TSHZ2: variants seen among roughly 807,000 people sequenced by gnomAD.
TSHZ2 encodes the protein teashirt zinc finger homeobox 2.
In TSHZ2, 21 loss-of-function variants were observed where a neutral mutation model predicts 74.4. The observed-to-expected ratio is 0.28, with a 90% CI of 0.20 to 0.41. TSHZ2 has a LOEUF of 0.41. Among genes scored for constraint, TSHZ2 ranks in the 10% least tolerant of loss-of-function variants. The probability of loss-of-function intolerance (pLI) is 1.00; values close to 1 mark genes in which losing one functional copy is unlikely to be tolerated. For missense variants in TSHZ2, 1,244 were observed against 1,293.5 expected, an observed-to-expected ratio of 0.96 and a Z score of 0.59; for synonymous variants, 540 against 515.3, an observed-to-expected ratio of 1.05 and a Z score of -0.65.
At chr20:53,452,702 G>A (rs757888429) in intron 2 of TSHZ2, among the ~76,000 whole-genome samples, 13 of 151,766 alleles carry the variant, frequency 8.6e-5, no homozygotes, top group Admixed American at 1.3e-4. Context: ...ATATCAACAC[G>A]TACCCCTACA....
At chr20:53,469,045 T>TATATATATATATATATA (rs1985655239) in intron 2 of TSHZ2, among the ~76,000 whole-genome samples, 2 of 49,112 alleles carry the variant, frequency 4.1e-5, no homozygotes, top group Non-Finnish European at 4.2e-5. Flanking sequence ...AATCGATATT[T>TATATATATATATATATA]TATATATATA....
At chr20:53,389,341 G>A (rs577281251) in intron 2 of TSHZ2, among the ~76,000 whole-genome samples, 2 of 152,268 alleles carry the variant, frequency 1.3e-5, no homozygotes, top group South Asian at 2.1e-4. Flanking sequence ...ACTTAAGCCC[G>A]GACTCGAAGC....
chr20:53,320,630 T>G (rs1055026362), intron 2 of TSHZ2, among the ~76,000 whole-genome samples: 6 of 152,214 alleles, frequency 3.9e-5, no homozygotes, highest in African/African-American at 1.4e-4. Flanking sequence ...GCTCTTTCTT[T>G]GCAGAAAGGG....
chr20:53,205,428 C>T (rs755238241), intron 1 of TSHZ2, among the ~76,000 whole-genome samples: 10 of 152,212 alleles, frequency 6.6e-5, no homozygotes, highest in Non-Finnish European at 1.3e-4. Context: ...CATATTCTTT[C>T]TGCATTGAGC....
intron 1 of TSHZ2, among the ~76,000 whole-genome samples, chr20:52,977,509 A>G (rs1981392560): frequency 6.7e-6 from 1 of 150,092 alleles, no homozygotes; most frequent in Admixed American, 6.7e-5. Flanking sequence ...TAGCAGCACA[A>G]ACTCTTTTGG....
intron 1 of TSHZ2, among the ~76,000 whole-genome samples, chr20:52,977,876 A>G (rs1021933697): frequency 2.2e-4 from 34 of 152,206 alleles, no homozygotes; most frequent in African/African-American, 7.7e-4. Context: ...TCTGAGGCTT[A>G]AGAGTTTGGA....
chr20:53,186,515 A>C (rs1326900089), intron 1 of TSHZ2, among the ~76,000 whole-genome samples: 1 of 152,216 alleles, frequency 6.6e-6, no homozygotes, highest in Non-Finnish European at 1.5e-5. Context: ...CAGCTCTAGG[A>C]AGAAAACTCT....
intron 1 of TSHZ2, among the ~76,000 whole-genome samples, chr20:53,071,306 G>A (rs530842415): frequency 1.3e-5 from 2 of 152,186 alleles, no homozygotes; most frequent in Admixed American, 6.5e-5. Context: ...TTAGAAACTA[G>A]GGCTTAATGT....
intron 1 of TSHZ2, among the ~76,000 whole-genome samples, chr20:53,038,896 G>GTTTTTT (rs374364980): frequency 1.9e-4 from 26 of 140,410 alleles, no homozygotes; most frequent in African/African-American, 5.4e-4. Flanking sequence ...TTGTTTGTTT[G>GTTTTTT]TTTGTTTGTT....
chr20:53,223,543 C>T (rs775141069), intron 1 of TSHZ2, among the ~76,000 whole-genome samples: 2 of 152,106 alleles, frequency 1.3e-5, no homozygotes, highest in Non-Finnish European at 2.9e-5. Flanking sequence ...AGATATGTGC[C>T]ACCACTTCAG....
chr20:53,129,298 G>C (rs987476524), intron 1 of TSHZ2, among the ~76,000 whole-genome samples: 4 of 152,032 alleles, frequency 2.6e-5, no homozygotes, highest in South Asian at 4.2e-4. Flanking sequence ...GTGGGTACAT[G>C]GTAGATATAT....
Position 53,161,130 on chromosome 20 carries a change from CAAA to C in TSHZ2, c.41-92348_41-92346del, listed in dbSNP as rs368626161. Among the ~76,000 whole-genome samples the C allele has an allele frequency of 2.4e-3, 160 of 67,966 alleles. 3 individuals are homozygous for C. The highest frequency in any genetic ancestry group is 6.1e-3 in the African/African-American group (101 of 16,448). The allele number at this position is 67,966 out of a possible 152,430, so 44.6% of individuals were successfully genotyped here. A position where few individuals can be genotyped will look rare whatever the true frequency, so the allele number is the denominator to read the frequency against. On this transcript the variant is annotated intron_variant, in intron 1 of 2. Coordinates refer to ENST00000371497, the MANE Select transcript of TSHZ2 (RefSeq NM_173485.6). ...AGAAACCAACTCTGGTTATTTTCAG[CAAA>C]AAAAAAAAAAAAAAAAAAAATAGGA...
Position 53,011,914 on chromosome 20 carries a change from A to G in TSHZ2, c.40+38581A>G, listed in dbSNP as rs561296402. Among the ~76,000 whole-genome samples the G allele has an allele frequency of 1.5e-3, 225 of 152,228 alleles. 1 individual carries two copies. The highest frequency in any genetic ancestry group is 1.6e-3 in the Non-Finnish European group (106 of 67,998). Reference sequence around the variant, plus strand: ...TTCTGTGCCTGGCAATGGTCCCTGCACTTTACAAAACAAAGTTATGAGGTA... The same window carrying G: ...TTCTGTGCCTGGCAATGGTCCCTGCGCTTTACAAAACAAAGTTATGAGGTA... On this transcript the variant is annotated intron_variant, in intron 1 of 2. Coordinates refer to ENST00000371497, the MANE Select transcript of TSHZ2 (RefSeq NM_173485.6).
At chr20:53,457,692 G>T (rs1600656215) in intron 2 of TSHZ2, among the ~76,000 whole-genome samples, 1 of 145,968 alleles carries the variant, frequency 6.9e-6, no homozygotes, top group Non-Finnish European at 1.5e-5. Context: ...ATTGGCTGTG[G>T]GTTTGTCATA....
intron 1 of TSHZ2, among the ~76,000 whole-genome samples, 183 bp from the exon 2 acceptor site, chr20:53,253,316 A>AAC (rs1990369854): frequency 1.3e-5 from 2 of 152,090 alleles, no homozygotes; most frequent in South Asian, 4.2e-4. Context: ...AAAAAAAAAA[A>AAC]AAAACACTAG....
chr20:53,137,589 C>T (rs1987278702), intron 1 of TSHZ2, among the ~76,000 whole-genome samples: 1 of 152,184 alleles, frequency 6.6e-6, no homozygotes, highest in Non-Finnish European at 1.5e-5. Context: ...TTTGGTCTAC[C>T]TCTGAAGTGG....
At chr20:53,304,730 C>A (rs1978451905) in intron 2 of TSHZ2, among the ~76,000 whole-genome samples, 1 of 152,162 alleles carries the variant, frequency 6.6e-6, no homozygotes, top group African/African-American at 2.4e-5. Context: ...CTCCCGGGTT[C>A]AAGTGATTCT....
chr20:53,117,356 C>T (rs1663673815), intron 1 of TSHZ2, among the ~76,000 whole-genome samples: 1 of 152,222 alleles, frequency 6.6e-6, no homozygotes, highest in South Asian at 2.1e-4. Context: ...CATTCATCCA[C>T]TTAATGTATA....
At chr20:53,096,922 CAAAACA>C (rs142443353) in intron 1 of TSHZ2, among the ~76,000 whole-genome samples, 53 of 150,596 alleles carry the variant, frequency 3.5e-4, no homozygotes, top group African/African-American at 1.2e-3. Flanking sequence ...AAACAAAAAA[CAAAACA>C]AAAACAAAAA....
Sources: allele counts gnomAD v4.1 joint callset (sites outside exome capture counted in the v4.1 genomes callset), GRCh38; gene constraint gnomAD v4.1.1; transcripts MANE v1.5; gene names NCBI Gene and HGNC (gene_info 2026-07-23, HGNC 2026-07-21).